Variants in SYT3 observed in about 807,000 individuals in gnomAD.
The protein encoded by SYT3 is synaptotagmin-3.
Under a neutral mutation model 50.6 loss-of-function variants are expected in SYT3, and 25 were observed. The ratio of observed to expected loss-of-function variants is 0.49; its 90% CI spans 0.36 to 0.69. SYT3 has a LOEUF of 0.69. SYT3 is among the 30% of genes least tolerant of loss of function. SYT3 has a pLI of 0.00. For missense variants in SYT3, 589 were observed against 793.6 expected (o/e 0.74, Z 3.10); for synonymous variants, 323 against 353.9 (o/e 0.91, Z 0.98).
At position 50,625,316 on chromosome 19, in the gene SYT3, G is replaced by C; in HGVS notation, c.1575-22C>G. ...GATGCTGGGGGTTGGGGTCAGTGAG[G>C]ACCGTGGAGGGTGGTGGGAGGGCCT... is the stretch of plus-strand genomic sequence containing the variant. On this transcript the variant is annotated intron_variant, in intron 8 of 10. Transcript: ENST00000600079. This position sits in a 1 kb window ranked among gnomAD's most constrained non-coding sequence, Gnocchi z 7.5. 1 of 1,532,664 alleles carries C rather than the reference G, an allele frequency of 6.5e-7. No homozygotes were observed. The highest frequency in any genetic ancestry group is 8.8e-7 in the Non-Finnish European group (1 of 1,140,994). 94.9% of individuals were successfully genotyped at this position (1,532,664 alleles called of 1,614,324 possible).
In SYT3 at chr19:50,629,455, G is replaced by A; in HGVS notation, c.1120C>T (p.Leu374=). The A allele has an allele frequency of 6.2e-7, 1 of 1,614,090 alleles. No homozygotes were observed. Among genetic ancestry groups the A allele is most frequent in the South Asian group, 1.1e-5 (1 of 91,076 alleles). The change falls in exon 6 of 11, where the codon CTG becomes TTG. Residue 374 remains leucine, a synonymous_variant. Coordinates refer to ENST00000600079, the MANE Select transcript of SYT3 (RefSeq NM_001160329.2). Reference sequence around the variant, plus strand: ...AGTTTGCGTTGGGCCAGCTCGGCCAGGGGCACCGAGAATTGAAACGTCTCA... The same window carrying A: ...AGTTTGCGTTGGGCCAGCTCGGCCAAGGGCACCGAGAATTGAAACGTCTCA... ...FNETFQFSVP[L]AELAQRKLHF...
chr19:50,633,175 G>T, intron 3 of SYT3, among the ~76,000 whole-genome samples: 1 of 104,868 alleles, frequency 9.5e-6, no homozygotes, highest in South Asian at 2.8e-4. Flanking sequence ...TAGAGATGAG[G>T]TCTTGCTATG....
intron 6 of SYT3, among the ~76,000 whole-genome samples, chr19:50,627,577 C>T (rs571674108): frequency 6.6e-6 from 1 of 152,110 alleles, no homozygotes; most frequent in East Asian, 1.9e-4. Context: ...AAAAATTAGC[C>T]GGGCATGGTG....
At position 50,629,846 on chromosome 19, in the gene SYT3, A is replaced by G. The variant is rs1984227527; in HGVS notation, c.1000T>C (p.Phe334Leu). ...LDLPAKDSNG[F>L]SDPYVKIYLL... ...TAGATCTTGACGTAGGGGTCTGAGA[A>G]GCCGTTGGAGTCCTTGGCAGGGAGG... The change falls in exon 5 of 11, where the codon TTC becomes CTC. Residue 334 changes from phenylalanine to leucine, a missense_variant. Transcript: ENST00000600079. 2 of 1,613,954 alleles carry G rather than the reference A, an allele frequency of 1.2e-6. No homozygotes were observed. The highest frequency in any genetic ancestry group is 2.2e-5 in the South Asian group (2 of 91,078).
At position 50,632,943 on chromosome 19, in the gene SYT3, A is replaced by C. The variant is rs770648154; in HGVS notation, c.149-132T>G. On this transcript the variant is annotated intron_variant, in intron 3 of 10. Coordinates refer to ENST00000600079, the MANE Select transcript of SYT3 (RefSeq NM_001160329.2). The surrounding 1 kb of genome is among the most constrained non-coding windows in gnomAD (Gnocchi z 4.7). Reference sequence around the variant, plus strand: ...TGCAATTGCAAGTGCCAGGCACTTTACATGTATTACTTAATTTATGTTCTA... The same window carrying C: ...TGCAATTGCAAGTGCCAGGCACTTTCCATGTATTACTTAATTTATGTTCTA... The C allele has an allele frequency of 1.0e-5, 6 of 594,296 alleles. No homozygotes were observed. The highest frequency in any genetic ancestry group is 1.6e-5 in the Non-Finnish European group (6 of 371,820). 36.8% of individuals were successfully genotyped at this position (594,296 alleles called of 1,614,324 possible). A position where few individuals can be genotyped will look rare whatever the true frequency, so the allele number is the denominator to read the frequency against.
the SYT3 span, among the ~76,000 whole-genome samples, chr19:50,652,142 C>G: frequency 4.6e-5 from 7 of 152,164 alleles, no homozygotes; most frequent in Non-Finnish European, 1.0e-4. Context: ...AACCACCATG[C>G]CCGGCCTATA....
chr19:50,628,303 TA>T (rs896584575), intron 6 of SYT3, among the ~76,000 whole-genome samples: 4 of 150,174 alleles, frequency 2.7e-5, no homozygotes, highest in Non-Finnish European at 5.9e-5. Flanking sequence ...ACACAAGAAG[TA>T]CCTAAGAATG....
chr19:50,648,643 C>G, the SYT3 span, among the ~76,000 whole-genome samples: 2 of 152,090 alleles, frequency 1.3e-5, no homozygotes, highest in Admixed American at 1.3e-4. Context: ...CCCAGGAGTC[C>G]AGACCCCAGG....
At chr19:50,652,933 TG>T in the SYT3 span, among the ~76,000 whole-genome samples, 1 of 152,232 alleles carries the variant, frequency 6.6e-6, no homozygotes, top group African/African-American at 2.4e-5. Flanking sequence ...TGTGTGACTT[TG>T]GGCAAGTCAC....
At chr19:50,657,831 C>A in the SYT3 span, among the ~76,000 whole-genome samples, 58,250 of 152,048 alleles carry the variant, frequency 0.38, 12,196 homozygotes, top group African/African-American at 0.55. Context: ...CTCCTTTGAC[C>A]ATAGCGACAG....
At chr19:50,628,545 G>T (rs961874082) in intron 6 of SYT3, among the ~76,000 whole-genome samples, 1 of 152,114 alleles carries the variant, frequency 6.6e-6, no homozygotes, top group Non-Finnish European at 1.5e-5. Flanking sequence ...CCAATGTCAG[G>T]GGTTGGGAAA....
upstream of SYT3, among the ~76,000 whole-genome samples, chr19:50,644,549 T>C (rs562552263): frequency 3.3e-5 from 5 of 151,820 alleles, no homozygotes; most frequent in Admixed American, 2.6e-4. Context: ...GATGAGTGGA[T>C]GAGTGGATAG....
At chr19:50,624,554 CTTTT>C (rs35518299) in intron 9 of SYT3, among the ~76,000 whole-genome samples, 3 of 137,956 alleles carry the variant, frequency 2.2e-5, no homozygotes. Flanking sequence ...TCTTAAATGA[CTTTT>C]TTTTTTTTTT....
chr19:50,656,728 G>A, the SYT3 span, among the ~76,000 whole-genome samples: 2 of 152,124 alleles, frequency 1.3e-5, no homozygotes, highest in African/African-American at 4.8e-5. Context: ...GAGGTGGGTG[G>A]ATCACTAGAG....
At chr19:50,644,409 G>A (rs769526394), upstream of SYT3, among the ~76,000 whole-genome samples, 4 of 152,082 alleles carry the variant, frequency 2.6e-5, no homozygotes, top group Non-Finnish European at 4.4e-5. Context: ...AAGAGTTAGA[G>A]TGGGGATGGA....
intron 6 of SYT3, among the ~76,000 whole-genome samples, chr19:50,626,648 G>T (rs1157325062): frequency 1.3e-5 from 2 of 150,538 alleles, no homozygotes. Flanking sequence ...GAGAGAAAGG[G>T]GCAGAGACCC....
chr19:50,628,956 T>A (rs549255996), intron 6 of SYT3, among the ~76,000 whole-genome samples: 143 of 151,942 alleles, frequency 9.4e-4, no homozygotes, highest in Admixed American at 1.9e-3. Context: ...CCTAAGTAGC[T>A]GGGATTACAG....
chr19:50,627,795 A>G (rs1319181678), intron 6 of SYT3, among the ~76,000 whole-genome samples: 2 of 151,892 alleles, frequency 1.3e-5, no homozygotes, highest in African/African-American at 4.8e-5. Flanking sequence ...GAAAACCTCA[A>G]GTGATGATGA....
At chr19:50,626,811 G>C (rs1383214693) in intron 6 of SYT3, among the ~76,000 whole-genome samples, 1 of 151,736 alleles carries the variant, frequency 6.6e-6, no homozygotes, top group African/African-American at 2.4e-5. Context: ...CCCAGAGAGA[G>C]AGAGGGACAG....
Sources: allele counts gnomAD v4.1 joint callset (sites outside exome capture counted in the v4.1 genomes callset), GRCh38; gene constraint gnomAD v4.1.1; non-coding constraint Gnocchi (gnomAD v3.1); transcripts MANE v1.5; gene names NCBI Gene and HGNC (gene_info 2026-07-23, HGNC 2026-07-21).